The following CDC42EP3 variants were observed in gnomAD, a reference collection of about 807,000 sequenced individuals.
CDC42EP3 encodes CDC42 effector protein 3.
Under a neutral mutation model 15.5 loss-of-function variants are expected in CDC42EP3, and 4 were observed. The observed-to-expected ratio is 0.26, with a 90% CI of 0.13 to 0.59. The LOEUF (loss-of-function observed/expected upper bound fraction) is 0.59. Among genes scored for constraint, CDC42EP3 ranks in the 20% least tolerant of loss-of-function variants. The probability of loss-of-function intolerance (pLI) is 0.89; values close to 1 mark genes in which losing one functional copy is unlikely to be tolerated. For missense variants in CDC42EP3, 309 were observed against 311.2 expected (o/e 0.99, Z 0.05); for synonymous variants, 145 against 130.3 (o/e 1.11, Z -0.77).
chr2:37,648,460 C>CAGTGCTCCACCA (rs1665548809), intron 1 of CDC42EP3, among the ~76,000 whole-genome samples: 1 of 152,230 alleles, frequency 6.6e-6, no homozygotes, highest in East Asian at 1.9e-4. Context: ...GCTCCACCAC[C>CAGTGCTCCACCA]CACTGGCTCA....
chr2:37,647,411 T>C (rs763578801), intron 1 of CDC42EP3: 21 of 152,204 alleles, frequency 1.4e-4, no homozygotes, highest in Non-Finnish European at 2.1e-4. Context: ...CAATAACATA[T>C]AGCCAGTAAA....
chr2:37,667,874 G>A (rs938848213), intron 1 of CDC42EP3, among the ~76,000 whole-genome samples: 2 of 152,166 alleles, frequency 1.3e-5, no homozygotes, highest in Admixed American at 1.3e-4. Flanking sequence ...CTGCTATTTA[G>A]CTGTGTGACC....
At chr2:37,660,801 A>G (rs1666033062) in intron 1 of CDC42EP3, among the ~76,000 whole-genome samples, 3 of 152,084 alleles carry the variant, frequency 2.0e-5, no homozygotes, top group African/African-American at 7.2e-5. Context: ...AAAAAAAAAA[A>G]ATGGAATGAA....
intron 1 of CDC42EP3, among the ~76,000 whole-genome samples, chr2:37,649,940 T>C (rs1383344765): frequency 6.6e-6 from 1 of 152,190 alleles, no homozygotes; most frequent in Non-Finnish European, 1.5e-5. Context: ...TTTCTACAAA[T>C]ATTTACATCA....
chr2:37,669,666 G>A (rs1666345892), intron 1 of CDC42EP3, among the ~76,000 whole-genome samples: 1 of 152,168 alleles, frequency 6.6e-6, no homozygotes, highest in African/African-American at 2.4e-5. Flanking sequence ...TAAATCTCTA[G>A]CAGATGATGC....
intron 1 of CDC42EP3, among the ~76,000 whole-genome samples, chr2:37,659,970 G>A (rs1666005258): frequency 6.6e-6 from 1 of 152,158 alleles, no homozygotes; most frequent in Non-Finnish European, 1.5e-5. Flanking sequence ...AAAACTATGA[G>A]CCAGCCCTGT....
At chr2:37,652,542 C>T (rs961059064) in intron 1 of CDC42EP3, among the ~76,000 whole-genome samples, 2 of 152,116 alleles carry the variant, frequency 1.3e-5, no homozygotes, top group Admixed American at 6.6e-5. Flanking sequence ...CACATTCACT[C>T]GTGTCTGTCC....
chr2:37,661,185 T>C (rs1376941640), intron 1 of CDC42EP3, among the ~76,000 whole-genome samples: 1 of 151,944 alleles, frequency 6.6e-6, no homozygotes, highest in East Asian at 1.9e-4. Flanking sequence ...TGATTTGATT[T>C]TCCAAAAAGA....
At chr2:37,650,352 T>G (rs1665629233) in intron 1 of CDC42EP3, among the ~76,000 whole-genome samples, 1 of 152,204 alleles carries the variant, frequency 6.6e-6, no homozygotes, top group East Asian at 1.9e-4. Flanking sequence ...TTCAAAATCT[T>G]TGCCAATTAC....
rs994818154 is a variant in CDC42EP3 at position 37,643,144 on chromosome 2, T to C, written c.*2679A>G. 2.6e-5 allele frequency: 4 copies of C among 152,184 alleles called. No individual in the cohort carries two copies. Among genetic ancestry groups the C allele is most frequent in the African/African-American group, 9.6e-5 (4 of 41,454 alleles). The allele number at this position is 152,184 out of a possible 1,614,324, so 9.4% of individuals were successfully genotyped here. The stretch of plus-strand genomic sequence containing the variant: ...GCTTTGAGTTTGCAAATAAAGTACA[T>C]CTTGGGTTTCCTTATCTTTAAACAA... On this transcript the variant is annotated 3_prime_UTR_variant, in exon 2 of 2. Transcript: ENST00000295324.
intron 1 of CDC42EP3, among the ~76,000 whole-genome samples, chr2:37,648,736 C>G (rs992599035): frequency 1.2e-4 from 18 of 151,818 alleles, no homozygotes; most frequent in African/African-American, 3.7e-4. Flanking sequence ...GTTGTGGTAA[C>G]AAAAGTTGAA....
chr2:37,665,497 C>G (rs1666222024), intron 1 of CDC42EP3, among the ~76,000 whole-genome samples: 1 of 152,316 alleles, frequency 6.6e-6, no homozygotes, highest in African/African-American at 2.4e-5. Flanking sequence ...GTTGAGAAAT[C>G]AAACACATTC....
chr2:37,657,529 C>T (rs1435624661), intron 1 of CDC42EP3, among the ~76,000 whole-genome samples: 2 of 152,172 alleles, frequency 1.3e-5, no homozygotes, highest in African/African-American at 2.4e-5. Context: ...TACAGAGCCT[C>T]CTCTTGAGCT....
At chr2:37,652,965 C>A (rs905916646) in intron 1 of CDC42EP3, among the ~76,000 whole-genome samples, 2 of 152,168 alleles carry the variant, frequency 1.3e-5, no homozygotes, top group South Asian at 2.1e-4. Context: ...TTCTCAAAAA[C>A]CTTGACCCTG....
chr2:37,661,823 C>G (rs1418173198), intron 1 of CDC42EP3, among the ~76,000 whole-genome samples: 1 of 152,194 alleles, frequency 6.6e-6, no homozygotes, highest in African/African-American at 2.4e-5. Context: ...CAATCTCTCT[C>G]CTTTTTAACC....
chr2:37,648,899 T>C (rs1415552442), intron 1 of CDC42EP3, among the ~76,000 whole-genome samples: 3 of 151,962 alleles, frequency 2.0e-5, no homozygotes, highest in Non-Finnish European at 4.4e-5. Flanking sequence ...CTGGGTGGCC[T>C]GAGGAACAGC....
chr2:37,652,656 C>A (rs566036227), intron 1 of CDC42EP3, among the ~76,000 whole-genome samples: 2 of 152,172 alleles, frequency 1.3e-5, no homozygotes, highest in Non-Finnish European at 2.9e-5. Flanking sequence ...CATCGAAACC[C>A]TGGGCTCAAG....
intron 1 of CDC42EP3, among the ~76,000 whole-genome samples, chr2:37,658,620 A>C (rs1665957907): frequency 6.6e-6 from 1 of 152,114 alleles, no homozygotes; most frequent in African/African-American, 2.4e-5. Flanking sequence ...TCTGCCTTCC[A>C]AACTATGCTT....
chr2:37,645,865 T>C lies in CDC42EP3; in HGVS notation c.723A>G (p.Ser241=), dbSNP rs769732787. ...LLSLQLDLGP[S]LLDEVLNVMD... ...TTACATTCAGCACCTCATCCAAAAG[T>C]GAGGGCCCAAGATCAAGCTGCAGGG... Residue 241 remains serine (S), a synonymous_variant, in exon 2 of 2, where the codon TCA becomes TCG. Transcript: ENST00000295324. 2 of 1,568,576 alleles carry C rather than the reference T, an allele frequency of 1.3e-6. No individual in the cohort carries two copies. Among genetic ancestry groups the C allele is most frequent in the Non-Finnish European group, 1.7e-6 (2 of 1,162,298 alleles).
Sources: allele counts gnomAD v4.1 joint callset (sites outside exome capture counted in the v4.1 genomes callset), GRCh38; gene constraint gnomAD v4.1.1; transcripts MANE v1.5; gene names NCBI Gene and HGNC (gene_info 2026-07-23, HGNC 2026-07-21).